Variants in KIF13A observed in about 807,000 individuals in gnomAD.
KIF13A encodes the protein kinesin family member 13A.
A neutral mutation model predicts 212.2 loss-of-function variants in KIF13A; 79 were observed. That is an observed-to-expected ratio of 0.37 (90% confidence interval 0.31 to 0.45). The LOEUF is 0.45. Among genes scored for constraint, KIF13A ranks in the 20% least tolerant of loss-of-function variants. KIF13A has a pLI of 1.00. For missense variants in KIF13A, 1,901 were observed against 2,209.0 expected, an observed-to-expected ratio of 0.86 and a Z score of 2.79; for synonymous variants, 789 against 808.6, an observed-to-expected ratio of 0.98 and a Z score of 0.41.
intron 2 of KIF13A, among the ~76,000 whole-genome samples, chr6:17,986,405 A>C (rs1781553281): frequency 6.6e-6 from 1 of 152,240 alleles, no homozygotes; most frequent in Non-Finnish European, 1.5e-5. Flanking sequence ...GCCATCTAGT[A>C]AATACAGCCC....
chr6:17,821,595 TGGG>T (rs1764456099), intron 16 of KIF13A, among the ~76,000 whole-genome samples: 7 of 46,330 alleles, frequency 1.5e-4, no homozygotes, highest in Admixed American at 2.4e-4. Flanking sequence ...GTGTTGGGGG[TGGG>T]GTGTTCATAA....
chr6:17,878,583 A>G (rs1215227277), intron 3 of KIF13A, among the ~76,000 whole-genome samples: 1 of 152,100 alleles, frequency 6.6e-6, no homozygotes, highest in African/African-American at 2.4e-5. Flanking sequence ...TCCAGGTCAA[A>G]CTTAATTTAA....
intron 18 of KIF13A, among the ~76,000 whole-genome samples, chr6:17,805,922 AT>A (rs58290591): frequency 2.4e-4 from 34 of 139,306 alleles, no homozygotes; most frequent in African/African-American, 3.0e-4. Flanking sequence ...CATAAGCACG[AT>A]TTTTTTTTTT....
At chr6:17,887,876 T>G (rs1341816131) in intron 3 of KIF13A, among the ~76,000 whole-genome samples, 1 of 151,442 alleles carries the variant, frequency 6.6e-6, no homozygotes. Context: ...TTTTTTTTTT[T>G]TGTATTTTTA....
intron 2 of KIF13A, among the ~76,000 whole-genome samples, chr6:17,909,846 C>A (rs753647196): frequency 6.6e-6 from 1 of 152,112 alleles, no homozygotes; most frequent in Non-Finnish European, 1.5e-5. Flanking sequence ...GATTGCACGA[C>A]TGCACTCTAG....
In KIF13A at chr6:17,799,521, G is replaced by A. The variant is rs2150331398; in HGVS notation, c.2617-82C>T. 2.5e-6 allele frequency: 3 copies of A among 1,180,490 alleles called. No individual in the cohort carries two copies. The highest frequency in any genetic ancestry group is 3.4e-5 in the South Asian group (2 of 58,336). 73.1% of individuals were successfully genotyped at this position (1,180,490 alleles called of 1,614,324 possible). A position where few individuals can be genotyped will look rare whatever the true frequency, so the allele number is the denominator to read the frequency against. On this transcript the variant is annotated intron_variant, in intron 21 of 38. Transcript: ENST00000259711. The surrounding 1 kb of genome is among the most constrained non-coding windows in gnomAD (Gnocchi z 4.4). ...TCAGCTACCTCAAATTTAAGAGTAA[G>A]CGATGAAACAAATTGGTCATCCATT...
In KIF13A at chr6:17,963,373, G is replaced by A. The variant is rs1362425866; in HGVS notation, c.146+23681C>T. Among the ~76,000 whole-genome samples the A allele has an allele frequency of 6.6e-6, 1 of 152,140 alleles. No homozygotes were observed. The highest frequency in any genetic ancestry group is 2.4e-5 in the African/African-American group (1 of 41,432). On this transcript the variant is annotated intron_variant, in intron 2 of 38. Coordinates refer to ENST00000259711, the MANE Select transcript of KIF13A (RefSeq NM_022113.6). This position sits in a 1 kb window ranked among gnomAD's most constrained non-coding sequence, Gnocchi z 4.1. ...GGAGAGGCTGCAGTGAGCTAAGATCGTGCCGTTGCACTCTAGCCTGGGCAA... is the reference window on the plus strand; with the variant it reads ...GGAGAGGCTGCAGTGAGCTAAGATCATGCCGTTGCACTCTAGCCTGGGCAA...
chr6:17,774,722 A>G (rs528185168), intron 35 of KIF13A, among the ~76,000 whole-genome samples: 1 of 152,060 alleles, frequency 6.6e-6, no homozygotes, highest in East Asian at 1.9e-4. Flanking sequence ...GCAGTGAGCC[A>G]AAATCATGCC....
At chr6:17,874,277 G>GTT (rs10677645) in intron 3 of KIF13A, among the ~76,000 whole-genome samples, 2 of 76,884 alleles carry the variant, frequency 2.6e-5, no homozygotes, top group African/African-American at 8.9e-5. Flanking sequence ...TTTTGTTTTT[G>GTT]TTTTTGTTTT....
At position 17,965,913 on chromosome 6, in the gene KIF13A, C is replaced by T. The variant is rs150983032; in HGVS notation, c.146+21141G>A. On this transcript the variant is annotated intron_variant, in intron 2 of 38. Transcript: ENST00000259711. The stretch of plus-strand genomic sequence containing the variant: ...AAATGGGGCCGGGCGTGGTGGTTCA[C>T]GCCTGTAATCCCAGCACTTTGGGTG... Among the ~76,000 whole-genome samples, 169 of 152,278 alleles carry T rather than the reference C, an allele frequency of 1.1e-3. 1 individual carries two copies. The East Asian group carries it at 0.023, about 21-fold the overall frequency.
At chr6:17,958,199 T>C (rs907202903) in intron 2 of KIF13A, among the ~76,000 whole-genome samples, 1 of 152,204 alleles carries the variant, frequency 6.6e-6, no homozygotes, top group South Asian at 2.1e-4. Context: ...TCTAATCAAT[T>C]GCAATTTGTC....
At chr6:17,875,124 T>C (rs1004781644) in intron 3 of KIF13A, among the ~76,000 whole-genome samples, 3 of 151,990 alleles carry the variant, frequency 2.0e-5, no homozygotes, top group African/African-American at 7.2e-5. Context: ...CATGTGCAAG[T>C]ATCTTTTTCG....
In KIF13A at chr6:17,984,599, T is replaced by TTC; in HGVS notation, c.146+2454_146+2455insGA. On this transcript the variant is annotated intron_variant, in intron 2 of 38. Coordinates refer to ENST00000259711, the MANE Select transcript of KIF13A (RefSeq NM_022113.6). This position sits in a 1 kb window ranked among gnomAD's most constrained non-coding sequence, Gnocchi z 5.0. ...TGACCCCATCTGTTTTTTTTTTTTT[T>TTC]CCCTGGACGTCAATGCATTCTCACT... The TTC allele has an allele frequency of 1.9e-5, 17 of 907,006 alleles. No individual in the cohort carries two copies. The highest frequency in any genetic ancestry group is 1.8e-5 in the Non-Finnish European group (14 of 758,370). The allele number at this position is 907,006 out of a possible 1,614,324, so 56.2% of individuals were successfully genotyped here.
At chr6:17,978,915 G>A (rs56213649) in intron 2 of KIF13A, among the ~76,000 whole-genome samples, 11,087 of 152,216 alleles carry the variant, frequency 0.073, 463 homozygotes, top group Middle Eastern at 0.13. Context: ...TGATACAAAA[G>A]ATATAATAAT....
intron 19 of KIF13A, among the ~76,000 whole-genome samples, chr6:17,805,073 G>A (rs965655265): frequency 1.3e-5 from 2 of 152,028 alleles, no homozygotes; most frequent in African/African-American, 2.4e-5. Context: ...ACCTGGCCAC[G>A]ATCACAGCTA....
At chr6:17,782,121 C>T (rs1760646694) in intron 29 of KIF13A, among the ~76,000 whole-genome samples, 1 of 151,434 alleles carries the variant, frequency 6.6e-6, no homozygotes, top group South Asian at 2.1e-4. Flanking sequence ...ATTTTTAGTA[C>T]AGACGGGGTT....
In KIF13A at chr6:17,799,330, T is replaced by C. The variant is rs905344128; in HGVS notation, c.2726A>G (p.Asp909Gly). The C allele has an allele frequency of 1.9e-6, 3 of 1,613,336 alleles. No homozygotes were observed. Among genetic ancestry groups the C allele is most frequent in the Non-Finnish European group, 2.5e-6 (3 of 1,179,622 alleles). The change falls in exon 22 of 39, where the codon GAC becomes GGC. Residue 909 changes from aspartate to glycine, a missense_variant. Transcript: ENST00000259711. The surrounding 1 kb of genome is among the most constrained non-coding windows in gnomAD (Gnocchi z 4.4). ...GGACTGTGGTGAAGGCACCTCGGGGTCCACCACCGGGGCAGCCACCGTAGA... is the reference window on the plus strand; with the variant it reads ...GGACTGTGGTGAAGGCACCTCGGGGCCCACCACCGGGGCAGCCACCGTAGA... ...CESTVAAPVVDPEVPSPQSKD... is the reference protein window; with the variant it reads ...CESTVAAPVVGPEVPSPQSKD...
intron 23 of KIF13A, among the ~76,000 whole-genome samples, chr6:17,796,267 T>A (rs1045252944): frequency 9.3e-5 from 14 of 150,552 alleles, no homozygotes; most frequent in African/African-American, 3.4e-4. Flanking sequence ...AGTGGCACGA[T>A]CTTGGCTCAC....
chr6:17,892,361 G>A lies in KIF13A; in HGVS notation c.159+5807C>T, dbSNP rs1441193443. Among the ~76,000 whole-genome samples, 1 of 151,908 alleles carries A rather than the reference G, an allele frequency of 6.6e-6. No individual in the cohort carries two copies. Among genetic ancestry groups the A allele is most frequent in the Admixed American group, 6.6e-5 (1 of 15,256 alleles). On this transcript the variant is annotated intron_variant, in intron 3 of 38. Transcript: ENST00000259711. The surrounding 1 kb of genome is among the most constrained non-coding windows in gnomAD (Gnocchi z 4.7). ...GCAAACCCTTATTTCCTTTTTTTCT[G>A]ATGTATTTTACTGAATACTACCACT...
Sources: gnomAD v4.1 joint callset for allele counts (sites outside exome capture counted in the v4.1 genomes callset) on GRCh38, gnomAD v4.1.1 for gene constraint, Gnocchi (gnomAD v3.1) non-coding constraint, MANE v1.5 for transcripts, NCBI Gene and HGNC (gene_info 2026-07-23, HGNC 2026-07-21) for gene names.